Variants in HLF observed in about 807,000 individuals in gnomAD.
The protein encoded by HLF is HLF transcription factor, PAR bZIP family member, also known as hepatic leukemia factor.
In HLF, 3 loss-of-function variants were observed where a neutral mutation model predicts 22.6. The ratio of observed to expected loss-of-function variants is 0.13; its 90% confidence interval spans 0.06 to 0.34. HLF has a LOEUF of 0.34. Ranked by LOEUF, HLF falls within the 10% of genes least tolerant of loss-of-function variation. HLF has a pLI of 1.00. For synonymous variants in HLF, 151 were observed against 151.8 expected, an observed-to-expected ratio of 0.99 and a Z score of 0.04; for missense variants, 299 against 389.2, an observed-to-expected ratio of 0.77 and a Z score of 1.95.
intron 3 of HLF, 30 bp downstream of exon 3, chr17:55,315,477 G>A: frequency 6.5e-7 from 1 of 1,530,606 alleles, no homozygotes; most frequent in Non-Finnish European, 9.1e-7. Context: ...CAGTCTTTGG[G>A]CAAATGGAGA....
Position 55,323,514 on chromosome 17 carries a change from A to T in HLF, c.*2635A>T, listed in dbSNP as rs1370632795. The T allele has an allele frequency of 1.4e-5, 3 of 218,414 alleles. No homozygotes were observed. The highest frequency in any genetic ancestry group is 6.7e-5 in the African/African-American group (3 of 44,498). The allele number at this position is 218,414 out of a possible 1,614,324, so 13.5% of individuals were successfully genotyped here. A position where few individuals can be genotyped will look rare whatever the true frequency, so the allele number is the denominator to read the frequency against. On this transcript the variant is annotated 3_prime_UTR_variant, in exon 4 of 4. Coordinates refer to ENST00000226067, the MANE Select transcript of HLF (RefSeq NM_002126.5). ...TCAAATGTTTTCTGCAGAAAAAAAT[A>T]AAAAGATTCTAATAAAATGTATTCT...
intron 2 of HLF, among the ~76,000 whole-genome samples, chr17:55,295,568 G>A (rs1768910247): frequency 6.6e-6 from 1 of 152,238 alleles, no homozygotes; most frequent in African/African-American, 2.4e-5. Context: ...GTTTAAAGAA[G>A]ATGTTGGAAG....
intron 2 of HLF, among the ~76,000 whole-genome samples, chr17:55,296,836 A>C (rs550866830): frequency 4.6e-5 from 7 of 152,088 alleles, no homozygotes; most frequent in Non-Finnish European, 7.4e-5. Context: ...CATTCAAAAA[A>C]ATTTTTTTTT....
chr17:55,296,118 C>T (rs1250529218), intron 2 of HLF, among the ~76,000 whole-genome samples: 2 of 152,080 alleles, frequency 1.3e-5, no homozygotes, highest in African/African-American at 4.8e-5. Flanking sequence ...CTCCGGAGCA[C>T]CACCTTCTGG....
At chr17:55,317,053 C>T (rs1283410112) in intron 3 of HLF, among the ~76,000 whole-genome samples, 2 of 150,904 alleles carry the variant, frequency 1.3e-5, no homozygotes, top group South Asian at 2.1e-4. Flanking sequence ...CTGCAAGCTC[C>T]GCCTCCCCGG....
At chr17:55,304,141 T>C (rs907291467) in intron 2 of HLF, among the ~76,000 whole-genome samples, 2 of 152,094 alleles carry the variant, frequency 1.3e-5, no homozygotes, top group African/African-American at 4.8e-5. Flanking sequence ...GGTGTTTGTC[T>C]CTGGTACTCT....
chr17:55,273,981 G>T (rs1300149551), intron 2 of HLF, among the ~76,000 whole-genome samples: 3 of 152,118 alleles, frequency 2.0e-5, no homozygotes, highest in Non-Finnish European at 2.9e-5. Flanking sequence ...GCACTGCTGC[G>T]GTGGGCAGGA....
At chr17:55,316,979 T>TTTG (rs1905095846) in intron 3 of HLF, among the ~76,000 whole-genome samples, 1 of 148,504 alleles carries the variant, frequency 6.7e-6, no homozygotes, top group Admixed American at 6.7e-5. Flanking sequence ...TTTTTTTTTT[T>TTTG]TTTTTTGAGA....
chr17:55,304,340 C>T (rs1235053953), intron 2 of HLF, among the ~76,000 whole-genome samples: 1 of 152,180 alleles, frequency 6.6e-6, no homozygotes, highest in African/African-American at 2.4e-5. Context: ...ACTGTCATAA[C>T]CATCACAGGG....
rs547986573 is a variant in HLF, at chr17:55,292,238, G to A, written c.452-22989G>A. ...GAGTAAAATGCTATCAAATAACACCGCGTGCTACAGAAAAATGTTTCCTGA... is the reference window on the plus strand; with the variant it reads ...GAGTAAAATGCTATCAAATAACACCACGTGCTACAGAAAAATGTTTCCTGA... On this transcript the variant is annotated intron_variant, in intron 2 of 3. Coordinates refer to ENST00000226067, the MANE Select transcript of HLF (RefSeq NM_002126.5). Among the ~76,000 whole-genome samples, 22 of 152,296 alleles carry A rather than the reference G, an allele frequency of 1.4e-4. No individual in the cohort carries two copies. In the South Asian group the frequency reaches 2.3e-3, roughly 16 times the overall value.
At chr17:55,278,209 C>T (rs1485273375) in intron 2 of HLF, among the ~76,000 whole-genome samples, 1 of 152,216 alleles carries the variant, frequency 6.6e-6, no homozygotes, top group East Asian at 1.9e-4. Flanking sequence ...TTCCTAAAAA[C>T]AATGAGTGCA....
intron 2 of HLF, among the ~76,000 whole-genome samples, chr17:55,275,798 A>T (rs985181257): frequency 1.3e-5 from 2 of 152,192 alleles, no homozygotes; most frequent in African/African-American, 4.8e-5. Flanking sequence ...CCTTTACCAT[A>T]AGTCAGTTCA....
chr17:55,306,218 TA>T lies in HLF; in HGVS notation c.452-8999del, dbSNP rs112296256. ...CCTGGAGACAGAGCAAGATCCTGTT[TA>T]AAAAAAAAATTGCTGATATTGATTA... On this transcript the variant is annotated intron_variant, in intron 2 of 3. Coordinates refer to ENST00000226067, the MANE Select transcript of HLF (RefSeq NM_002126.5). Among the ~76,000 whole-genome samples the T allele has an allele frequency of 1.6e-4, 24 of 150,612 alleles. No homozygotes were observed. The Middle Eastern group carries it at 0.01, about 64-fold the overall frequency.
rs1323997306 is a variant in HLF, at chr17:55,315,528, A to G, written c.672+81A>G. On this transcript the variant is annotated intron_variant, in intron 3 of 3. Coordinates refer to ENST00000226067, the MANE Select transcript of HLF (RefSeq NM_002126.5). The stretch of plus-strand genomic sequence containing the variant: ...AGATTAAAAGGGTGACCCCAGGATG[A>G]TCCCAGAAGCTAGTGCATGAAGGAT... The G allele has an allele frequency of 2.9e-6, 3 of 1,030,780 alleles. No homozygotes were observed. The African/African-American group carries it at 4.7e-5, about 16-fold the overall frequency. The allele number at this position is 1,030,780 out of a possible 1,614,324, so 63.9% of individuals were successfully genotyped here. A position where few individuals can be genotyped will look rare whatever the true frequency, so the allele number is the denominator to read the frequency against.
At chr17:55,296,584 A>G (rs2081113527) in intron 2 of HLF, among the ~76,000 whole-genome samples, 1 of 152,174 alleles carries the variant, frequency 6.6e-6, no homozygotes, top group South Asian at 2.1e-4. Context: ...TTCCATATTA[A>G]TACATATAGA....
chr17:55,266,723 G>A (rs1166409489), intron 1 of HLF: 1 of 505,306 alleles, frequency 2.0e-6, no homozygotes, highest in African/African-American at 2.1e-5. Context: ...GGATGGCAGT[G>A]GAGGCTGTGT....
rs1905410841 is a variant in HLF, at chr17:55,324,942, T to C, written c.*4063T>C. 1 of 231,204 alleles carries C rather than the reference T, an allele frequency of 4.3e-6. No homozygotes were observed. Among genetic ancestry groups the C allele is most frequent in the Non-Finnish European group, 8.6e-6 (1 of 116,582 alleles). 14.3% of individuals were successfully genotyped at this position (231,204 alleles called of 1,614,324 possible). ...ACAAAGATCGCATCTGTTAAACAGG[T>C]ACAAGTTGACATGAGGTTAGTTTAA... is the stretch of plus-strand genomic sequence containing the variant. On this transcript the variant is annotated 3_prime_UTR_variant, in exon 4 of 4. Transcript: ENST00000226067.
rs1905328866 is a variant in HLF, at chr17:55,323,340, CAT to C, written c.*2463_*2464del. 4.6e-6 allele frequency: 1 copy of C among 215,418 alleles called. No homozygotes were observed. The highest frequency in any genetic ancestry group is 9.4e-6 in the Non-Finnish European group (1 of 106,580). The allele number at this position is 215,418 out of a possible 1,614,324, so 13.3% of individuals were successfully genotyped here. A position where few individuals can be genotyped will look rare whatever the true frequency, so the allele number is the denominator to read the frequency against. On this transcript the variant is annotated 3_prime_UTR_variant, in exon 4 of 4. Coordinates refer to ENST00000226067, the MANE Select transcript of HLF (RefSeq NM_002126.5). ...GTTAGATGGCAATAGTCATTAAAAA[CAT>C]AGAAAAATGATGTCTTTAAGTGGAG...
intron 2 of HLF, among the ~76,000 whole-genome samples, chr17:55,306,810 CT>C (rs974953170): frequency 2.6e-5 from 4 of 151,348 alleles, no homozygotes; most frequent in African/African-American, 9.7e-5. Flanking sequence ...TTTCTTTATT[CT>C]TTCTTTATTT....
Sources: allele counts gnomAD v4.1 joint callset (sites outside exome capture counted in the v4.1 genomes callset), GRCh38; gene constraint gnomAD v4.1.1; transcripts MANE v1.5; gene names NCBI Gene and HGNC (gene_info 2026-07-23, HGNC 2026-07-21).